METTL4: variants seen among roughly 807,000 people sequenced by gnomAD.
The protein encoded by METTL4 is N(6)-adenine-specific methyltransferase METTL4.
In METTL4, 40 loss-of-function variants were observed where a neutral mutation model predicts 54.0. The ratio of observed to expected loss-of-function variants is 0.74; its 90% CI spans 0.58 to 0.96. The LOEUF (loss-of-function observed/expected upper bound fraction) is 0.96, where lower values mean the gene tolerates loss of function less well. METTL4 is among the 50% of genes least tolerant of loss of function. The probability of loss-of-function intolerance (pLI) is 0.00; values close to 1 mark genes in which losing one functional copy is unlikely to be tolerated. For missense variants in METTL4, 525 were observed against 549.0 expected, an observed-to-expected ratio of 0.96 and a Z score of 0.44; for synonymous variants, 169 against 183.8, an observed-to-expected ratio of 0.92 and a Z score of 0.65.
chr18:2,539,867 A>G, intron 8 of METTL4: 1 of 934,116 alleles, frequency 1.1e-6, no homozygotes, highest in Non-Finnish European at 1.3e-6. Flanking sequence ...AAAAAAAGAC[A>G]AAAGTCTGTC....
At chr18:2,550,939 C>T (rs928723399) in intron 5 of METTL4, among the ~76,000 whole-genome samples, 7 of 151,586 alleles carry the variant, frequency 4.6e-5, no homozygotes, top group South Asian at 4.2e-4. Flanking sequence ...CCGAGGCGGG[C>T]GGATCACGAG....
intron 3 of METTL4, among the ~76,000 whole-genome samples, chr18:2,563,385 T>G (rs1012155722): frequency 7.2e-5 from 11 of 152,066 alleles, no homozygotes; most frequent in African/African-American, 2.7e-4. Flanking sequence ...CAGAGCTCAG[T>G]AGTTTGAGAC....
intron 8 of METTL4, among the ~76,000 whole-genome samples, chr18:2,541,629 T>C (rs772026084): frequency 1.3e-5 from 2 of 152,202 alleles, no homozygotes; most frequent in Non-Finnish European, 2.9e-5. Context: ...TAGCTATTGA[T>C]AGCTTATCTT....
chr18:2,566,091 A>AAATT (rs1330581226), intron 2 of METTL4, among the ~76,000 whole-genome samples: 1 of 149,510 alleles, frequency 6.7e-6, no homozygotes, highest in East Asian at 1.9e-4. Context: ...ATAAATAAAT[A>AAATT]AAATAAACAA....
chr18:2,560,070 T>C lies in METTL4; in HGVS notation c.459+3727A>G, dbSNP rs535170622. ...GAACACATTTCTTAGAAAATAAAAC[T>C]TGTGAAAACTGACATCAATAGAAAC... On this transcript the variant is annotated intron_variant, in intron 3 of 8. Coordinates refer to ENST00000574538, the MANE Select transcript of METTL4 (RefSeq NM_022840.5). 9.9e-5 allele frequency among the ~76,000 whole-genome samples: 15 copies of C among 152,246 alleles called. No homozygotes were observed. In the South Asian group the frequency reaches 1.0e-3, roughly 11 times the overall value.
At chr18:2,554,620 C>T in intron 4 of METTL4, 49 bp downstream of exon 4, 1 of 1,548,666 alleles carries the variant, frequency 6.5e-7, no homozygotes, top group East Asian at 2.2e-5. Context: ...AACTTTTCAG[C>T]CCACGGAAAA....
At chr18:2,554,540 T>C in intron 4 of METTL4, 129 bp downstream of exon 4, 1 of 804,384 alleles carries the variant, frequency 1.2e-6, no homozygotes, top group Non-Finnish European at 2.0e-6. Flanking sequence ...AAGAGACAAA[T>C]AACCCAAGGA....
At chr18:2,541,132 A>T (rs1422502967) in intron 8 of METTL4, among the ~76,000 whole-genome samples, 1 of 152,220 alleles carries the variant, frequency 6.6e-6, no homozygotes, top group Admixed American at 6.5e-5. Context: ...CAGAATATTA[A>T]GTTGTGTTTT....
intron 4 of METTL4, chr18:2,554,451 A>G (rs2072206636): frequency 2.0e-6 from 1 of 499,614 alleles, no homozygotes; most frequent in Non-Finnish European, 3.5e-6. Context: ...TTGTTCTCTT[A>G]GAAATTAGCT....
chr18:2,541,668 C>T (rs553627063), intron 8 of METTL4, among the ~76,000 whole-genome samples: 1 of 151,678 alleles, frequency 6.6e-6, no homozygotes, highest in East Asian at 1.9e-4. Context: ...AAAACTTATG[C>T]AAATGTATCA....
At chr18:2,548,560 A>G (rs769323450) in intron 5 of METTL4, among the ~76,000 whole-genome samples, 10 of 152,220 alleles carry the variant, frequency 6.6e-5, no homozygotes, top group Non-Finnish European at 1.3e-4. Context: ...TAATGTATAT[A>G]CTTCAACTAT....
chr18:2,556,895 A>G (rs1167796205), intron 3 of METTL4, among the ~76,000 whole-genome samples: 2 of 152,226 alleles, frequency 1.3e-5, no homozygotes, highest in Non-Finnish European at 2.9e-5. Flanking sequence ...CATCCTAATC[A>G]AATTGCTAAA....
At chr18:2,562,796 T>C (rs1314792120) in intron 3 of METTL4, among the ~76,000 whole-genome samples, 1 of 152,062 alleles carries the variant, frequency 6.6e-6, no homozygotes, top group African/African-American at 2.4e-5. Context: ...TATTAAATAA[T>C]GGTAGAGTTC....
chr18:2,560,891 C>T (rs1048445936), intron 3 of METTL4, among the ~76,000 whole-genome samples: 1 of 151,984 alleles, frequency 6.6e-6, no homozygotes, highest in African/African-American at 2.4e-5. Flanking sequence ...AAAGAAAATC[C>T]AGTAGAACAT....
chr18:2,549,569 T>G (rs1202258934), intron 5 of METTL4, among the ~76,000 whole-genome samples: 1 of 152,152 alleles, frequency 6.6e-6, no homozygotes, highest in Non-Finnish European at 1.5e-5. Flanking sequence ...ATGAGACTTT[T>G]ACCACTATGC....
chr18:2,539,569 C>A (rs1263777655), intron 8 of METTL4, among the ~76,000 whole-genome samples: 3 of 151,252 alleles, frequency 2.0e-5, no homozygotes, highest in Non-Finnish European at 4.4e-5. Context: ...GCAACCTCCA[C>A]CTCCCGAGTT....
At chr18:2,568,973 G>C (rs1354886443) in intron 1 of METTL4, 1 of 220,856 alleles carries the variant, frequency 4.5e-6, no homozygotes, top group African/African-American at 2.3e-5. Flanking sequence ...TTCTAAAGGA[G>C]TGGTGGACTC....
Position 2,566,919 on chromosome 18 carries a change from T to C in METTL4, c.298A>G (p.Ile100Val). ...CATTCTTTATGAACAGCTGGAGTTA[T>C]ATAAGGTTTGGTGACATCAAACAGT... ...PELFDVTKPY[I>V]TPAVHKECQQ... is the part of the protein sequence containing the mutation. Residue 100 changes from isoleucine (I) to valine (V), a missense_variant, in exon 2 of 9, where the codon ATA (isoleucine) becomes GTA (valine). Transcript: ENST00000574538. 6.2e-7 allele frequency: 1 copy of C among 1,614,120 alleles called. No homozygotes were observed. The highest frequency in any genetic ancestry group is 8.5e-7 in the Non-Finnish European group (1 of 1,179,974).
intron 8 of METTL4, chr18:2,539,838 A>G: frequency 3.5e-6 from 1 of 288,840 alleles, no homozygotes; most frequent in Non-Finnish European, 4.1e-6. Flanking sequence ...AAAAAATTGA[A>G]AAACAACCCA....
Sources: gnomAD v4.1 joint callset for allele counts (sites outside exome capture counted in the v4.1 genomes callset) on GRCh38, gnomAD v4.1.1 for gene constraint, MANE v1.5 for transcripts, NCBI Gene and HGNC (gene_info 2026-07-23, HGNC 2026-07-21) for gene names.